TNRC6B: variants seen among roughly 807,000 people sequenced by gnomAD.
The protein encoded by TNRC6B is trinucleotide repeat containing adaptor 6B, also known as trinucleotide repeat-containing gene 6B protein.
In TNRC6B, 52 loss-of-function variants were observed where a neutral mutation model predicts 203.6. The observed-to-expected ratio is 0.26, with a 90% confidence interval of 0.20 to 0.32. The LOEUF (loss-of-function observed/expected upper bound fraction) is 0.32. TNRC6B is among the 10% of genes least tolerant of loss of function. TNRC6B has a pLI of 1.00. For missense variants in TNRC6B, 1,923 were observed against 2,286.2 expected (o/e 0.84, Z 3.24); for synonymous variants, 838 against 845.7 (o/e 0.99, Z 0.16).
chr22:40,260,540 G>A lies in TNRC6B; in HGVS notation c.116-1292G>A, dbSNP rs142612850. 1.5e-3 allele frequency among the ~76,000 whole-genome samples: 226 copies of A among 152,314 alleles called. 1 individual carries two copies. Among genetic ancestry groups the A allele is most frequent in the African/African-American group, 5.2e-3 (215 of 41,562 alleles). ...GATTTTTGAATGGAGAATTTTCATG[G>A]TAGAGAGAGATGGATGATGTGTTCC... is the stretch of plus-strand genomic sequence containing the variant. On this transcript the variant is annotated intron_variant, in intron 3 of 22. Coordinates refer to ENST00000454349, the MANE Select transcript of TNRC6B (RefSeq NM_001162501.2).
At chr22:40,300,420 CT>C (rs1456310219) in intron 12 of TNRC6B, 34 bp from the exon 13 acceptor site, 6 of 1,492,844 alleles carry the variant, frequency 4.0e-6, no homozygotes, top group Non-Finnish European at 5.3e-6. Context: ...CTGAAGATTC[CT>C]TTTCTTTTCT....
intron 11 of TNRC6B, among the ~76,000 whole-genome samples, chr22:40,283,937 C>T (rs1309620560): frequency 6.6e-6 from 1 of 152,156 alleles, no homozygotes; most frequent in Non-Finnish European, 1.5e-5. Flanking sequence ...AAGGACCAGT[C>T]GTGAATAATT....
At chr22:40,160,457 C>G (rs892012960) in intron 4 of TNRC6B, among the ~76,000 whole-genome samples, 23 of 117,590 alleles carry the variant, frequency 2.0e-4, no homozygotes, top group Non-Finnish European at 1.7e-4. Context: ...GCCTGGGCAA[C>G]AAGAGTGAAA....
intron 15 of TNRC6B, among the ~76,000 whole-genome samples, chr22:40,308,166 C>T (rs1407173157): frequency 3.3e-5 from 5 of 152,196 alleles, no homozygotes; most frequent in African/African-American, 1.2e-4. Context: ...GCTGCTGTTG[C>T]GCTACATTGG....
chr22:40,223,147 GT>G (rs879722633), intron 1 of TNRC6B, among the ~76,000 whole-genome samples: 8 of 142,024 alleles, frequency 5.6e-5, no homozygotes, highest in East Asian at 2.1e-4. Context: ...GTAATACTAG[GT>G]TTTTTTTTTT....
At chr22:40,269,430 G>A (rs1248652363) in intron 5 of TNRC6B, among the ~76,000 whole-genome samples, 2 of 152,040 alleles carry the variant, frequency 1.3e-5, no homozygotes, top group African/African-American at 4.8e-5. Flanking sequence ...ATTGTGCCTG[G>A]CCTTTACACA....
intron 3 of TNRC6B, among the ~76,000 whole-genome samples, chr22:40,153,753 T>C (rs2068783334): frequency 6.6e-6 from 1 of 151,642 alleles, no homozygotes; most frequent in African/African-American, 2.4e-5. Flanking sequence ...GATGGAGGCT[T>C]ATGTTGTGAG....
At chr22:40,089,431 C>T (rs962535871) in intron 1 of TNRC6B, among the ~76,000 whole-genome samples, 1 of 152,062 alleles carries the variant, frequency 6.6e-6, no homozygotes, top group African/African-American at 2.4e-5. Context: ...TGGGGCTTCA[C>T]CATGTTGGCC....
rs186120645 is a variant in TNRC6B, at chr22:40,326,471, C to T, written c.*3230C>T. On this transcript the variant is annotated 3_prime_UTR_variant, in exon 23 of 23. Coordinates refer to ENST00000454349, the MANE Select transcript of TNRC6B (RefSeq NM_001162501.2). ...AGAAGGATTAAGCTTTGTAAGAGCT[C>T]GATCATGGATTCTTTTGAAATTGTG... The T allele has an allele frequency of 1.3e-5, 2 of 152,598 alleles. No individual in the cohort carries two copies. The highest frequency in any genetic ancestry group is 1.9e-4 in the East Asian group (1 of 5,180). The allele number at this position is 152,598 out of a possible 1,614,324, so 9.5% of individuals were successfully genotyped here.
chr22:40,071,059 A>G (rs2067942679), intron 1 of TNRC6B, among the ~76,000 whole-genome samples: 1 of 152,078 alleles, frequency 6.6e-6, no homozygotes. Flanking sequence ...ACTGTAGACT[A>G]TTTACTTTCT....
chr22:40,331,855 G>C lies in TNRC6B; in HGVS notation c.*8614G>C. On this transcript the variant is annotated 3_prime_UTR_variant, in exon 23 of 23. Transcript: ENST00000454349. The stretch of plus-strand genomic sequence containing the variant: ...GTGTCCTGGAGGGGAAGGGGAGTGA[G>C]AGACGAATGTGGTAAGGTCAGCACA... 2.8e-6 allele frequency: 1 copy of C among 355,878 alleles called. No homozygotes were observed. The highest frequency in any genetic ancestry group is 4.8e-5 in the Admixed American group (1 of 20,912). The allele number at this position is 355,878 out of a possible 1,614,324, so 22.0% of individuals were successfully genotyped here. A position where few individuals can be genotyped will look rare whatever the true frequency, so the allele number is the denominator to read the frequency against.
chr22:40,156,222 C>T, intron 4 of TNRC6B: 1 of 1,540,224 alleles, frequency 6.5e-7, no homozygotes, highest in Non-Finnish European at 8.8e-7. Context: ...TATTACAGAT[C>T]CTCGGAAACA....
At chr22:40,259,004 A>G (rs1005497604) in intron 3 of TNRC6B, among the ~76,000 whole-genome samples, 3 of 152,186 alleles carry the variant, frequency 2.0e-5, no homozygotes, top group Admixed American at 2.0e-4. Context: ...ACAGAAACAT[A>G]GCTCTTTCTG....
At chr22:40,218,088 A>T (rs2069659010) in intron 1 of TNRC6B, among the ~76,000 whole-genome samples, 1 of 152,054 alleles carries the variant, frequency 6.6e-6, no homozygotes, top group Admixed American at 6.6e-5. Flanking sequence ...ACAATGGCTG[A>T]CATTTCTTTA....
Position 40,071,971 on chromosome 22 carries a change from A to T in TNRC6B, c.-121+26973A>T, listed in dbSNP as rs561905142. Among the ~76,000 whole-genome samples, 422 of 152,208 alleles carry T rather than the reference A, an allele frequency of 2.8e-3. 1 individual carries two copies. The highest frequency in any genetic ancestry group is 5.1e-3 in the Non-Finnish European group (349 of 68,016). ...CACCTAGGCTCAGTCTTCCCACCTC[A>T]GCCTTTTGGAAAGCTGAGACTGCAG... is the stretch of plus-strand genomic sequence containing the variant. On this transcript the variant is annotated intron_variant, in intron 1 of 23. Transcript: ENST00000301923.
At chr22:40,070,290 T>C (rs2067936107) in intron 1 of TNRC6B, among the ~76,000 whole-genome samples, 1 of 152,220 alleles carries the variant, frequency 6.6e-6, no homozygotes, top group South Asian at 2.1e-4. Flanking sequence ...TTTAGTAACT[T>C]CTTGGATTTT....
intron 1 of TNRC6B, among the ~76,000 whole-genome samples, chr22:40,193,959 G>T (rs1462899509): frequency 1.3e-5 from 2 of 152,216 alleles, no homozygotes; most frequent in Non-Finnish European, 2.9e-5. Context: ...CTGTGGCTGT[G>T]CAGGGGTTTT....
At chr22:40,182,552 G>T (rs1285181422) in intron 1 of TNRC6B, among the ~76,000 whole-genome samples, 2 of 152,120 alleles carry the variant, frequency 1.3e-5, no homozygotes, top group Non-Finnish European at 2.9e-5. Flanking sequence ...TCTTCTTTCC[G>T]TCATATATTT....
At chr22:40,177,779 A>G, upstream of TNRC6B, 4 of 1,216,964 alleles carry the variant, frequency 3.3e-6, no homozygotes, top group South Asian at 6.3e-5. Context: ...AGATAACAGC[A>G]TTTCACAAAT....
Sources: gnomAD v4.1 joint callset for allele counts (sites outside exome capture counted in the v4.1 genomes callset) on GRCh38, gnomAD v4.1.1 for gene constraint, MANE v1.5 for transcripts, NCBI Gene and HGNC (gene_info 2026-07-23, HGNC 2026-07-21) for gene names.